The following DHCR7 variants were observed in gnomAD, a reference collection of about 807,000 sequenced individuals.
DHCR7 encodes the protein 7-dehydrocholesterol reductase, also known as 7-DHC reductase.
DHCR7 carries 40 observed loss-of-function variants against 43.3 expected under a neutral mutation model. That is an observed-to-expected ratio of 0.92 (90% CI 0.72 to 1.20). The LOEUF is 1.20. DHCR7 is among the 50% of genes most tolerant of loss of function. The probability of loss-of-function intolerance (pLI) is 0.00; values close to 1 mark genes in which losing one functional copy is unlikely to be tolerated. For synonymous variants in DHCR7, 298 were observed against 271.4 expected, an observed-to-expected ratio of 1.10 and a Z score of -0.96; for missense variants, 608 against 644.6, an observed-to-expected ratio of 0.94 and a Z score of 0.62.
At chr11:71,448,513 C>T (rs1265643318), upstream of DHCR7, 1 of 152,254 alleles carries the variant, frequency 6.6e-6, no homozygotes, top group Non-Finnish European at 1.5e-5. Flanking sequence ...TGACTCCGGG[C>T]CCACCGCGCC....
intron 4 of DHCR7, 54 bp from the exon 5 acceptor site, chr11:71,442,407 G>A: frequency 1.6e-6 from 2 of 1,261,024 alleles, no homozygotes; most frequent in African/African-American, 1.5e-5. Flanking sequence ...CCTGCAAAGG[G>A]GGACGCATAG....
intron 6 of DHCR7, among the ~76,000 whole-genome samples, 155 bp from the exon 7 acceptor site, chr11:71,439,238 A>G (rs1270808914): frequency 6.6e-6 from 1 of 152,208 alleles, no homozygotes; most frequent in Non-Finnish European, 1.5e-5. Context: ...TGGGACCCCC[A>G]CGGCTGGAAT....
At chr11:71,430,892 C>T (rs1393507054), downstream of DHCR7, among the ~76,000 whole-genome samples, 2 of 152,202 alleles carry the variant, frequency 1.3e-5, no homozygotes, top group Non-Finnish European at 1.5e-5. Context: ...CGGTGGCTCA[C>T]GCCTGTAATC....
At chr11:71,441,187 C>T (rs372761507) in intron 6 of DHCR7, 40 bp downstream of exon 6, 39 of 1,597,288 alleles carry the variant, frequency 2.4e-5, no homozygotes, top group South Asian at 6.6e-5. Context: ...GTGAAGTTTG[C>T]ACTTTCTACA....
intron 2 of DHCR7, among the ~76,000 whole-genome samples, chr11:71,429,026 C>T (rs1249394115): frequency 6.6e-6 from 1 of 152,348 alleles, no homozygotes; most frequent in African/African-American, 2.4e-5. Context: ...AACAAGGAAA[C>T]CAGTTCCAGA....
chr11:71,428,687 T>A, exon 3 of DHCR7: 1 of 368,050 alleles, frequency 2.7e-6, no homozygotes, highest in South Asian at 2.0e-5. Context: ...AGGGCCGTGG[T>A]GAACCTCCCT....
At position 71,439,043 on chromosome 11, in the gene DHCR7, T is replaced by C; in HGVS notation, c.667A>G (p.Ile223Val). 1 of 1,614,136 alleles carries C rather than the reference T, an allele frequency of 6.2e-7. No homozygotes were observed. The highest frequency in any genetic ancestry group is 8.5e-7 in the Non-Finnish European group (1 of 1,180,044). The change falls in exon 7 of 9, where the codon ATC becomes GTC. Residue 223 changes from isoleucine to valine, a missense_variant. By Grantham distance (29) the Ile-to-Val change is conservative (BLOSUM62 3). Coordinates refer to ENST00000355527, the MANE Select transcript of DHCR7 (RefSeq NM_001360.3). ...TTCCCGATCCGAGGGTTAAACTCGA[T>C]GCCCATCATGTAGTTGTAAAAGAAA... ...GNFFYNYMMGIEFNPRIGKWF... is the reference protein window; with the variant it reads ...GNFFYNYMMGVEFNPRIGKWF...
chr11:71,440,264 T>A (rs934241430), intron 6 of DHCR7, among the ~76,000 whole-genome samples: 1 of 152,098 alleles, frequency 6.6e-6, no homozygotes. Flanking sequence ...CTGGATGAGA[T>A]GATGCATTCC....
In DHCR7 at chr11:71,441,388, G is replaced by A. The variant is rs1949346657; in HGVS notation, c.465C>T (p.His155=). Residue 155 remains histidine, a synonymous_variant, in exon 6 of 9, where the codon CAC becomes CAT. Coordinates refer to ENST00000355527, the MANE Select transcript of DHCR7 (RefSeq NM_001360.3). ...INGLQAWLLT[H]LLWFANAHLL... is the part of the protein sequence containing the mutation. Reference sequence around the variant, plus strand: ...GATGAGCGTTTGCAAACCAGAGCAGGTGCGTGAGGAGCCAGGCTTGCAGGC... The same window carrying A: ...GATGAGCGTTTGCAAACCAGAGCAGATGCGTGAGGAGCCAGGCTTGCAGGC... 2.5e-6 allele frequency: 4 copies of A among 1,614,220 alleles called. No homozygotes were observed. The highest frequency in any genetic ancestry group is 2.2e-5 in the East Asian group (1 of 44,886).
chr11:71,447,069 C>A (rs534071807), intron 2 of DHCR7, among the ~76,000 whole-genome samples: 8 of 152,344 alleles, frequency 5.3e-5, no homozygotes, highest in African/African-American at 1.9e-4. Context: ...CCCCCACTCC[C>A]TCCGATCCCT....
intron 2 of DHCR7, among the ~76,000 whole-genome samples, chr11:71,447,202 A>G (rs912662584): frequency 6.6e-6 from 1 of 152,204 alleles, no homozygotes; most frequent in Non-Finnish European, 1.5e-5. Flanking sequence ...CAAGGGGACA[A>G]TGCCTGGTAC....
intron 3 of DHCR7, 109 bp downstream of exon 3, chr11:71,444,745 AT>A (rs1949388384): frequency 1.1e-6 from 1 of 950,338 alleles, no homozygotes; most frequent in Non-Finnish European, 1.7e-6. Flanking sequence ...AAAAAAAAAA[AT>A]CTTTTTTAAA....
At chr11:71,445,669 C>G (rs1338673021) in intron 2 of DHCR7, among the ~76,000 whole-genome samples, 10 of 152,050 alleles carry the variant, frequency 6.6e-5, no homozygotes, top group Admixed American at 6.5e-4. Context: ...AATAATCACC[C>G]TTCAAAAAAA....
chr11:71,436,898 G>A (rs1949287949), intron 8 of DHCR7, among the ~76,000 whole-genome samples: 1 of 152,230 alleles, frequency 6.6e-6, no homozygotes, highest in African/African-American at 2.4e-5. Context: ...AAGCAAGTAA[G>A]AGCTATTATA....
downstream of DHCR7, among the ~76,000 whole-genome samples, chr11:71,432,431 T>C (rs1476292498): frequency 6.6e-6 from 1 of 152,236 alleles, no homozygotes; most frequent in Admixed American, 6.5e-5. Flanking sequence ...GTATTTTCAA[T>C]TGACAATAAT....
intron 2 of DHCR7, among the ~76,000 whole-genome samples, chr11:71,445,916 A>T (rs1214060056): frequency 6.6e-6 from 1 of 152,210 alleles, no homozygotes; most frequent in African/African-American, 2.4e-5. Context: ...ATGATGAAAA[A>T]CTTCAAAATT....
intron 2 of DHCR7, among the ~76,000 whole-genome samples, chr11:71,446,202 G>T (rs1293946547): frequency 7.2e-6 from 1 of 139,446 alleles, no homozygotes; most frequent in Non-Finnish European, 1.5e-5. Flanking sequence ...ATATGTGACA[G>T]CTCGGTTAGA....
downstream of DHCR7, among the ~76,000 whole-genome samples, chr11:71,431,662 C>T (rs1330701729): frequency 6.6e-6 from 1 of 152,180 alleles, no homozygotes; most frequent in African/African-American, 2.4e-5. Flanking sequence ...GTGCAAGCAG[C>T]CTTCCTCACC....
chr11:71,443,876 G>A, intron 4 of DHCR7, 117 bp downstream of exon 4: 1 of 789,422 alleles, frequency 1.3e-6, no homozygotes, highest in South Asian at 1.8e-5. Context: ...TGGGTCCCGG[G>A]AACCCAGATG....
Sources: gnomAD v4.1 joint callset for allele counts (sites outside exome capture counted in the v4.1 genomes callset) on GRCh38, gnomAD v4.1.1 for gene constraint, MANE v1.5 for transcripts, NCBI Gene and HGNC (gene_info 2026-07-23, HGNC 2026-07-21) for gene names.